The following ALS2 variants were observed in gnomAD, a reference collection of about 807,000 sequenced individuals.
ALS2 encodes the protein alsin Rho guanine nucleotide exchange factor ALS2.
In ALS2, 117 loss-of-function variants were observed where a neutral mutation model predicts 203.4. The observed-to-expected ratio is 0.58, with a 90% CI of 0.50 to 0.67. ALS2 has a LOEUF of 0.67. ALS2 is among the 30% of genes least tolerant of loss of function. ALS2 has a pLI of 0.00. For missense variants in ALS2, 1,715 were observed against 1,989.4 expected, an observed-to-expected ratio of 0.86 and a Z score of 2.62; for synonymous variants, 718 against 725.9, an observed-to-expected ratio of 0.99 and a Z score of 0.17.
At position 201,741,760 on chromosome 2, in the gene ALS2, T is replaced by C. The variant is rs771590564; in HGVS notation, c.2265A>G (p.Ser755=). 6.2e-7 allele frequency: 1 copy of C among 1,613,774 alleles called. No homozygotes were observed. The highest frequency in any genetic ancestry group is 1.7e-4 in the Middle Eastern group (1 of 6,060). ...LCYLIGQHGA[S]LSSFLHGVKE... ...TTACCCCATGAAGGAAGCTGCTCAA[T>C]GAGGCTCCATGCTGACCAATGAGGT... The change falls in exon 11 of 34, where the codon TCA becomes TCG. Residue 755 remains serine, a synonymous_variant. Transcript: ENST00000264276.
At chr2:201,719,504 G>A (rs954341598) in intron 23 of ALS2, among the ~76,000 whole-genome samples, 18 of 152,122 alleles carry the variant, frequency 1.2e-4, no homozygotes, top group African/African-American at 4.1e-4. Context: ...CAGGAGAATC[G>A]CTTGAACCCA....
chr2:201,719,335 A>T (rs920445341), intron 23 of ALS2, among the ~76,000 whole-genome samples: 4 of 152,222 alleles, frequency 2.6e-5, no homozygotes, highest in Non-Finnish European at 4.4e-5. Context: ...TCACGCCTGT[A>T]GTACCAGCCC....
chr2:201,767,476 C>A (rs1288173782), intron 2 of ALS2, 93 bp from the exon 3 acceptor site: 8 of 1,404,752 alleles, frequency 5.7e-6, no homozygotes, highest in Non-Finnish European at 7.9e-6. Flanking sequence ...CTTTTACCAG[C>A]ACATGGATGA....
intron 1 of ALS2, among the ~76,000 whole-genome samples, chr2:201,773,541 A>G (rs1320198275): frequency 6.6e-6 from 1 of 152,178 alleles, no homozygotes; most frequent in African/African-American, 2.4e-5. Flanking sequence ...TGAAGCAAAG[A>G]TAAGATTCTG....
intron 32 of ALS2, 46 bp from the exon 33 acceptor site, chr2:201,704,264 C>T (rs956673346): frequency 5.8e-6 from 9 of 1,558,144 alleles, no homozygotes; most frequent in East Asian, 2.2e-5. Context: ...ACTTACATGT[C>T]CATTCTCCTT....
chr2:201,776,755 A>G (rs1694679152), intron 1 of ALS2, among the ~76,000 whole-genome samples: 1 of 152,212 alleles, frequency 6.6e-6, no homozygotes, highest in African/African-American at 2.4e-5. Context: ...GGGGCCACAT[A>G]ACTAAACAGG....
chr2:201,761,826 T>G lies in ALS2; in HGVS notation c.176-8A>C. ...AGCTGTAGACCTCACCATCTGAAGG[T>G]TAAAAAAAAGAAAAAAGAAAAAAAA... On this transcript the variant is annotated splice_region_variant and splice_polypyrimidine_tract_variant and intron_variant, in intron 3 of 33. Coordinates refer to ENST00000264276, the MANE Select transcript of ALS2 (RefSeq NM_020919.4). 6.2e-7 allele frequency: 1 copy of G among 1,611,700 alleles called. No individual in the cohort carries two copies. The highest frequency in any genetic ancestry group is 1.1e-5 in the South Asian group (1 of 90,730).
rs369577952 is a variant in ALS2 at position 201,757,640 on chromosome 2, A to G, written c.1233T>C (p.Tyr411=). ...TCTTCAGTGACAAGGCACCAGCTTC[A>G]TAAGTAGCAGCCACTCTCACACCAA... The part of the protein sequence containing the change: ...SAVGVRVAAT[Y]EAGALSLKKV... The change falls in exon 5 of 34, where the codon TAT becomes TAC. Residue 411 remains tyrosine (Y), a synonymous_variant. Coordinates refer to ENST00000264276, the MANE Select transcript of ALS2 (RefSeq NM_020919.4). 24 of 1,614,060 alleles carry G rather than the reference A, an allele frequency of 1.5e-5. No homozygotes were observed. The highest frequency in any genetic ancestry group is 6.7e-5 in the East Asian group (3 of 44,900).
chr2:201,768,001 C>T (rs1429434469), intron 2 of ALS2, among the ~76,000 whole-genome samples: 2 of 151,994 alleles, frequency 1.3e-5, no homozygotes, highest in Non-Finnish European at 2.9e-5. Context: ...AAGATTCTAA[C>T]TTCTCAATAT....
intron 8 of ALS2, among the ~76,000 whole-genome samples, chr2:201,747,298 C>A (rs1692726498): frequency 6.6e-6 from 1 of 152,084 alleles, no homozygotes; most frequent in Admixed American, 6.5e-5. Flanking sequence ...ACAGGCAGAG[C>A]CCCTGAGAAG....
Position 201,757,577 on chromosome 2 carries a change from A to C in ALS2, c.1296T>G (p.Thr432=), listed in dbSNP as rs775245049. Residue 432 remains threonine, a synonymous_variant, in exon 5 of 34, where the codon ACT becomes ACG. Coordinates refer to ENST00000264276, the MANE Select transcript of ALS2 (RefSeq NM_020919.4). The part of the protein sequence containing the change: ...MNFYSTTPCE[T]GAQAGSSAIG... ...TGGCACTACTGCCTGCCTGAGCTCC[A>C]GTTTCACAAGGGGTTGTACTATAAA... The C allele has an allele frequency of 6.2e-7, 1 of 1,614,148 alleles. No individual in the cohort carries two copies. Among genetic ancestry groups the C allele is most frequent in the East Asian group, 2.2e-5 (1 of 44,884 alleles).
At chr2:201,757,799 T>C in intron 4 of ALS2, 40 bp from the exon 5 acceptor site, 1 of 1,446,136 alleles carries the variant, frequency 6.9e-7, no homozygotes. Flanking sequence ...AAAAATATAA[T>C]CCCTTATGCA....
chr2:201,751,757 A>G (rs1693077094), intron 7 of ALS2, among the ~76,000 whole-genome samples: 1 of 152,176 alleles, frequency 6.6e-6, no homozygotes, highest in African/African-American at 2.4e-5. Flanking sequence ...GTTCATACAC[A>G]CACACGCACA....
chr2:201,725,430 G>T lies in ALS2; in HGVS notation c.3273C>A (p.Asn1091Lys). The change falls in exon 20 of 34, where the codon AAC becomes AAA. Residue 1091 changes from asparagine to lysine, a missense_variant. By Grantham distance (94) the Asn-to-Lys change is moderately conservative. Coordinates refer to ENST00000264276, the MANE Select transcript of ALS2 (RefSeq NM_020919.4). Reference sequence around the variant, plus strand: ...AATGGTCTTCTTTGTTCATTGCCTTGTTTGGGATTCTGTATTCTCCATACC... The same window carrying T: ...AATGGTCTTCTTTGTTCATTGCCTTTTTTGGGATTCTGTATTCTCCATACC... ...EDGYGEYRIP[N>K]KAMNKEDHYV... 1 of 1,613,858 alleles carries T rather than the reference G, an allele frequency of 6.2e-7. No homozygotes were observed. Among genetic ancestry groups the T allele is most frequent in the Non-Finnish European group, 8.5e-7 (1 of 1,179,924 alleles).
At chr2:201,717,347 T>G (rs553632385) in intron 24 of ALS2, among the ~76,000 whole-genome samples, 1 of 151,886 alleles carries the variant, frequency 6.6e-6, no homozygotes, top group South Asian at 2.1e-4. Context: ...GCACCTACAG[T>G]CTCAGCTACT....
chr2:201,772,316 CCCAA>C (rs745577210), intron 1 of ALS2, among the ~76,000 whole-genome samples: 1 of 152,066 alleles, frequency 6.6e-6, no homozygotes, highest in East Asian at 1.9e-4. Context: ...GTCTAGATGT[CCCAA>C]CTGTTAGAAA....
In ALS2 at chr2:201,772,016, T is replaced by C. The variant is rs1694409377; in HGVS notation, c.-60-3071A>G. On this transcript the variant is annotated intron_variant, in intron 1 of 33. Coordinates refer to ENST00000264276, the MANE Select transcript of ALS2 (RefSeq NM_020919.4). Reference sequence around the variant, plus strand: ...GTAAAATGAGCAAACCAGACTTCAGTCTTCTGAACCGCAGGACACAGCTAG... The same window carrying C: ...GTAAAATGAGCAAACCAGACTTCAGCCTTCTGAACCGCAGGACACAGCTAG... 2.6e-5 allele frequency among the ~76,000 whole-genome samples: 4 copies of C among 152,342 alleles called. No homozygotes were observed. In the South Asian group the frequency reaches 8.3e-4, roughly 32 times the overall value.
Position 201,744,047 on chromosome 2 carries a change from C to T in ALS2, c.2170+211G>A, listed in dbSNP as rs920836610. On this transcript the variant is annotated intron_variant, in intron 10 of 33. Coordinates refer to ENST00000264276, the MANE Select transcript of ALS2 (RefSeq NM_020919.4). ...TTTCTACTTCTGGAAGCCGCAGGAG[C>T]TCTGGGAGTGGTAGGACAGGGCAGG... Among the ~76,000 whole-genome samples the T allele has an allele frequency of 2.0e-5, 3 of 152,116 alleles. No homozygotes were observed. The South Asian group carries it at 6.2e-4, about 32-fold the overall frequency.
intron 33 of ALS2, among the ~76,000 whole-genome samples, chr2:201,703,008 T>C (rs928763865): frequency 1.3e-5 from 2 of 151,990 alleles, no homozygotes; most frequent in African/African-American, 4.8e-5. Context: ...CCCAACTACT[T>C]GGGAGGCTGA....
Sources: gnomAD v4.1 joint callset for allele counts (sites outside exome capture counted in the v4.1 genomes callset) on GRCh38, gnomAD v4.1.1 for gene constraint, MANE v1.5 for transcripts, NCBI Gene and HGNC (gene_info 2026-07-23, HGNC 2026-07-21) for gene names.